The following SLC44A1 variants were observed in gnomAD, a reference collection of about 807,000 sequenced individuals.
The protein encoded by SLC44A1 is choline transporter-like protein 1.
Under a neutral mutation model 79.3 loss-of-function variants are expected in SLC44A1, and 26 were observed. The observed-to-expected ratio is 0.33, with a 90% CI of 0.24 to 0.46. The LOEUF is 0.46. Among genes scored for constraint, SLC44A1 ranks in the 20% least tolerant of loss-of-function variants. The pLI is 1.00. For missense variants in SLC44A1, 688 were observed against 798.1 expected (o/e 0.86, Z 1.66); for synonymous variants, 263 against 286.2 (o/e 0.92, Z 0.82).
At chr9:105,398,783 A>G (rs1828919301), downstream of SLC44A1, among the ~76,000 whole-genome samples, 1 of 152,202 alleles carries the variant, frequency 6.6e-6, no homozygotes, top group South Asian at 2.1e-4. Context: ...TTGGCCTCAT[A>G]TCTTTGATCA....
chr9:105,372,199 A>T (rs952870686), intron 12 of SLC44A1, among the ~76,000 whole-genome samples: 2 of 152,190 alleles, frequency 1.3e-5, no homozygotes, highest in African/African-American at 4.8e-5. Context: ...AGACTTGCAA[A>T]CATAATATAG....
Position 105,323,570 on chromosome 9 carries a change from T to C in SLC44A1, c.270-11993T>C, listed in dbSNP as rs995751515. Among the ~76,000 whole-genome samples the C allele has an allele frequency of 5.3e-5, 8 of 152,238 alleles. No individual in the cohort carries two copies. In the East Asian group the frequency reaches 1.5e-3, roughly 29 times the overall value. On this transcript the variant is annotated intron_variant, in intron 3 of 15. Transcript: ENST00000374720. ...AGTGCCTGGTATCGTGAACGTTAAC[T>C]GTTGTTTATTATAATCATCTTCATT...
chr9:105,244,820 G>C lies in SLC44A1; in HGVS notation c.-49G>C, dbSNP rs1430498627. The C allele has an allele frequency of 4.6e-6, 5 of 1,089,028 alleles. No individual in the cohort carries two copies. Among genetic ancestry groups the C allele is most frequent in the Non-Finnish European group, 5.6e-6 (5 of 893,464 alleles). The allele number at this position is 1,089,028 out of a possible 1,614,324, so 67.5% of individuals were successfully genotyped here. On this transcript the variant is annotated 5_prime_UTR_variant, in exon 1 of 16. Transcript: ENST00000374720. ...CCGGCTCGCATGCCGAGGGGCTCCG[G>C]GGCGTAGCTGCGCGCCCGGCGCCGC...
intron 1 of SLC44A1, among the ~76,000 whole-genome samples, chr9:105,288,240 A>C (rs1297744289): frequency 6.6e-6 from 1 of 152,120 alleles, no homozygotes; most frequent in Non-Finnish European, 1.5e-5. Context: ...TATGACTTTA[A>C]TATCCCAGTT....
intron 12 of SLC44A1, among the ~76,000 whole-genome samples, chr9:105,373,736 T>C (rs1366902968): frequency 6.6e-6 from 1 of 152,236 alleles, no homozygotes; most frequent in East Asian, 1.9e-4. Flanking sequence ...AGTTTTACAC[T>C]GTGACCTTCA....
intron 3 of SLC44A1, among the ~76,000 whole-genome samples, chr9:105,313,548 G>C (rs1831237114): frequency 6.6e-6 from 1 of 152,156 alleles, no homozygotes; most frequent in African/African-American, 2.4e-5. Flanking sequence ...AGTTCCTTGA[G>C]GGCTGTTGGA....
chr9:105,371,720 CAAAA>C lies in SLC44A1; in HGVS notation c.1495-2860_1495-2857del, dbSNP rs776993058. ...GGCGACAGAGTGAGACTCCATCTCA[CAAAA>C]AAAAAAAAAAAAAAAAAGTAATTGG... On this transcript the variant is annotated intron_variant, in intron 12 of 15. Coordinates refer to ENST00000374720, the MANE Select transcript of SLC44A1 (RefSeq NM_080546.5). Among the ~76,000 whole-genome samples, 36 of 94,276 alleles carry C rather than the reference CAAAA, an allele frequency of 3.8e-4. 1 individual carries two copies. The highest frequency in any genetic ancestry group is 1.4e-3 in the African/African-American group (34 of 23,498). 61.8% of individuals were successfully genotyped at this position (94,276 alleles called of 152,430 possible).
intron 3 of SLC44A1, among the ~76,000 whole-genome samples, chr9:105,321,867 A>G (rs2131332985): frequency 6.6e-6 from 1 of 152,204 alleles, no homozygotes; most frequent in African/African-American, 2.4e-5. Flanking sequence ...TAGTCTTAAT[A>G]TAGTAAAGAT....
intron 1 of SLC44A1, among the ~76,000 whole-genome samples, chr9:105,272,948 G>A (rs1286637589): frequency 4.0e-5 from 6 of 149,928 alleles, no homozygotes; most frequent in Middle Eastern, 3.4e-3. Flanking sequence ...ATTTCAGTAC[G>A]TTTAATTTTC....
At position 105,289,300 on chromosome 9, in the gene SLC44A1, C is replaced by T. The variant is rs576162773; in HGVS notation, c.37-9920C>T. Among the ~76,000 whole-genome samples, 4 of 152,288 alleles carry T rather than the reference C, an allele frequency of 2.6e-5. No individual in the cohort carries two copies. The East Asian group carries it at 7.7e-4, about 29-fold the overall frequency. On this transcript the variant is annotated intron_variant, in intron 1 of 15. Coordinates refer to ENST00000374720, the MANE Select transcript of SLC44A1 (RefSeq NM_080546.5). Reference sequence around the variant, plus strand: ...TAGACGATAAAGTGGGAAGACTGAACATTATATATGCAACCATTTAGGGGA... The same window carrying T: ...TAGACGATAAAGTGGGAAGACTGAATATTATATATGCAACCATTTAGGGGA...
chr9:105,406,456 A>G (rs1829030370), intron 15 of SLC44A1, among the ~76,000 whole-genome samples: 1 of 152,138 alleles, frequency 6.6e-6, no homozygotes, highest in African/African-American at 2.4e-5. Context: ...ATTAACAGAA[A>G]CTGGCCAGAC....
Position 105,267,889 on chromosome 9 carries a change from G to A in SLC44A1, c.36+22985G>A, listed in dbSNP as rs147486031. Among the ~76,000 whole-genome samples the A allele has an allele frequency of 4.6e-3, 705 of 152,050 alleles. 7 individuals carry two copies. Among genetic ancestry groups the A allele is most frequent in the African/African-American group, 0.016 (643 of 41,468 alleles). On this transcript the variant is annotated intron_variant, in intron 1 of 15. Coordinates refer to ENST00000374720, the MANE Select transcript of SLC44A1 (RefSeq NM_080546.5). Reference sequence around the variant, plus strand: ...AGTGGTCTGGCTCGCCTTTTTCTTCGGGAAACACTAAGTGTCAGTATCGTT... The same window carrying A: ...AGTGGTCTGGCTCGCCTTTTTCTTCAGGAAACACTAAGTGTCAGTATCGTT...
intron 12 of SLC44A1, among the ~76,000 whole-genome samples, chr9:105,372,899 G>A (rs1193635669): frequency 3.4e-5 from 5 of 147,112 alleles, no homozygotes; most frequent in East Asian, 2.0e-4. Flanking sequence ...GCAGTGAGCC[G>A]AGATCCCGCC....
chr9:105,364,715 T>G lies in SLC44A1; in HGVS notation c.1248T>G (p.Phe416Leu). The G allele has an allele frequency of 6.2e-7, 1 of 1,612,266 alleles. No individual in the cohort carries two copies. Among genetic ancestry groups the G allele is most frequent in the Non-Finnish European group, 8.5e-7 (1 of 1,179,118 alleles). The change falls in exon 10 of 16, where the codon TTT becomes TTG. Residue 416 changes from phenylalanine (F) to leucine (L), a missense_variant. Transcript: ENST00000374720. Reference protein sequence around the residue: ...TVAGAVVTYYFTRDKRNLPFT... With the variant: ...TVAGAVVTYYLTRDKRNLPFT... ...CAGGAGCTGTGGTAACATACTATTTTACTAGGTAAGAATATGTTGTTATTA... is the reference window on the plus strand; with the variant it reads ...CAGGAGCTGTGGTAACATACTATTTGACTAGGTAAGAATATGTTGTTATTA...
intron 15 of SLC44A1, among the ~76,000 whole-genome samples, chr9:105,387,036 C>T (rs1819187635): frequency 4.3e-4 from 1 of 2,346 alleles, no homozygotes; most frequent in African/African-American, 1.2e-3. Flanking sequence ...GAGACTCCAT[C>T]TCAAAAAAAA....
intron 5 of SLC44A1, among the ~76,000 whole-genome samples, chr9:105,350,419 A>G (rs573840262): frequency 6.6e-6 from 1 of 152,280 alleles, no homozygotes. Flanking sequence ...CAAGTCTCCA[A>G]AGATGAGTAA....
chr9:105,403,032 C>G (rs1470409475), intron 15 of SLC44A1, among the ~76,000 whole-genome samples: 3 of 135,012 alleles, frequency 2.2e-5, no homozygotes, highest in Non-Finnish European at 3.0e-5. Flanking sequence ...GTTGCCCAGG[C>G]TGGTCTCCAA....
Position 105,362,994 on chromosome 9 carries a change from T to C in SLC44A1, c.1074T>C (p.Phe358=). The change falls in exon 9 of 16, where the codon TTT becomes TTC. Residue 358 remains phenylalanine (F), a synonymous_variant. Transcript: ENST00000374720. The stretch of plus-strand genomic sequence containing the variant: ...TGTACTGGATCATGACACTTCTTTT[T>C]CTTGGCACTACCGGTAAGAAGATAA... ...FWVYWIMTLL[F]LGTTGSPVQN... 2 of 1,606,922 alleles carry C rather than the reference T, an allele frequency of 1.2e-6. No homozygotes were observed. The highest frequency in any genetic ancestry group is 1.7e-5 in the Admixed American group (1 of 58,568).
chr9:105,322,484 T>C (rs996483262), intron 3 of SLC44A1, among the ~76,000 whole-genome samples: 31 of 152,298 alleles, frequency 2.0e-4, no homozygotes, highest in African/African-American at 7.2e-4. Context: ...GGGTTACTCA[T>C]TGTGTGAGTA....
Sources: allele counts gnomAD v4.1 joint callset (sites outside exome capture counted in the v4.1 genomes callset), GRCh38; gene constraint gnomAD v4.1.1; transcripts MANE v1.5; gene names NCBI Gene and HGNC (gene_info 2026-07-23, HGNC 2026-07-21).